The following DDHD1 variants were observed in gnomAD, a reference collection of about 807,000 sequenced individuals.
DDHD1 encodes the protein phospholipase DDHD1.
In DDHD1, 49 loss-of-function variants were observed where a neutral mutation model predicts 96.4. The observed-to-expected ratio is 0.51, with a 90% confidence interval of 0.40 to 0.64. The LOEUF is 0.64. Among genes scored for constraint, DDHD1 ranks in the 30% least tolerant of loss-of-function variants. The pLI is 0.00. For missense variants in DDHD1, 1,106 were observed against 1,161.2 expected (o/e 0.95, Z 0.69); for synonymous variants, 442 against 446.5 (o/e 0.99, Z 0.13).
intron 4 of DDHD1, among the ~76,000 whole-genome samples, chr14:53,082,442 CTTT>C (rs35059788): frequency 2.6e-4 from 32 of 121,888 alleles, no homozygotes; most frequent in Admixed American, 4.3e-4. Flanking sequence ...TCCAAGATAC[CTTT>C]TTTTTTTTTT....
At chr14:53,061,507 CATAT>C (rs1188839021) in intron 7 of DDHD1, among the ~76,000 whole-genome samples, 2 of 152,128 alleles carry the variant, frequency 1.3e-5, no homozygotes, top group South Asian at 2.1e-4. Flanking sequence ...TGGTTAATAC[CATAT>C]ATACTGTTCT....
chr14:53,077,021 T>C (rs2139932413), intron 4 of DDHD1, among the ~76,000 whole-genome samples: 1 of 152,282 alleles, frequency 6.6e-6, no homozygotes, highest in Admixed American at 6.5e-5. Context: ...AAACCCACAA[T>C]ATCTTTGAGG....
chr14:53,096,070 A>G (rs1288276969), intron 2 of DDHD1: 1 of 909,518 alleles, frequency 1.1e-6, no homozygotes, highest in African/African-American at 1.8e-5. Context: ...GAATACTATA[A>G]GCCAGGAATA....
rs924099421 is a variant in DDHD1, at chr14:53,060,985, T to C, written c.1842+141A>G. The C allele has an allele frequency of 9.3e-6, 7 of 752,846 alleles. No homozygotes were observed. The African/African-American group carries it at 1.3e-4, about 13-fold the overall frequency. The allele number at this position is 752,846 out of a possible 1,614,324, so 46.6% of individuals were successfully genotyped here. A position where few individuals can be genotyped will look rare whatever the true frequency, so the allele number is the denominator to read the frequency against. On this transcript the variant is annotated intron_variant, in intron 8 of 12. Transcript: ENST00000673822. ...TTCTTTGTACAACCAGAAATGGCAG[T>C]GTCCAACATATAGTATATGTTGAAT...
intron 1 of DDHD1, among the ~76,000 whole-genome samples, chr14:53,148,034 C>T (rs762949192): frequency 4.6e-5 from 7 of 152,098 alleles, no homozygotes; most frequent in Non-Finnish European, 1.0e-4. Context: ...ATAATCTTCC[C>T]GTTGTTGCAA....
chr14:53,114,489 C>G (rs769375202), intron 1 of DDHD1, among the ~76,000 whole-genome samples: 4 of 152,198 alleles, frequency 2.6e-5, no homozygotes, highest in Non-Finnish European at 5.9e-5. Context: ...CAGGGGAGCT[C>G]TGGCTGGCAT....
intron 5 of DDHD1, 89 bp downstream of exon 5, chr14:53,073,652 T>A (rs1371022306): frequency 9.5e-7 from 1 of 1,057,684 alleles, no homozygotes; most frequent in African/African-American, 1.6e-5. Context: ...ACATTCTCAA[T>A]TAACAAAAAG....
At chr14:53,100,916 T>C (rs1887247642) in intron 2 of DDHD1, among the ~76,000 whole-genome samples, 1 of 152,218 alleles carries the variant, frequency 6.6e-6, no homozygotes, top group South Asian at 2.1e-4. Context: ...TACTACTATG[T>C]CTTCTTGTAC....
chr14:53,050,424 T>C (rs1178970446), intron 12 of DDHD1, among the ~76,000 whole-genome samples: 1 of 152,140 alleles, frequency 6.6e-6, no homozygotes, highest in African/African-American at 2.4e-5. Context: ...GTCAAACAAA[T>C]CTAGCCATTC....
Position 53,074,280 on chromosome 14 carries a change from C to A in DDHD1, c.1290-433G>T, listed in dbSNP as rs140205780. Among the ~76,000 whole-genome samples the A allele has an allele frequency of 1.4e-3, 206 of 151,794 alleles. 4 individuals are homozygous for A. Among genetic ancestry groups the A allele is most frequent in the Admixed American group, 0.012 (185 of 15,218 alleles). ...AAGATACTATAAAATTGACCCTTTTCTCCCTTTTGGTGTCAGTTATATAAA... is the reference window on the plus strand; with the variant it reads ...AAGATACTATAAAATTGACCCTTTTATCCCTTTTGGTGTCAGTTATATAAA... On this transcript the variant is annotated intron_variant, in intron 4 of 12. Transcript: ENST00000673822.
chr14:53,130,638 C>T (rs1889800211), intron 1 of DDHD1, among the ~76,000 whole-genome samples: 1 of 152,236 alleles, frequency 6.6e-6, no homozygotes, highest in Non-Finnish European at 1.5e-5. Context: ...GCCAGGCATT[C>T]CTCCAGGACC....
At chr14:53,089,158 T>C (rs2139988340) in intron 4 of DDHD1, among the ~76,000 whole-genome samples, 1 of 152,072 alleles carries the variant, frequency 6.6e-6, no homozygotes. Context: ...CTCAATGAAA[T>C]AAAAGAGGAC....
chr14:53,125,098 C>T (rs1035657120), intron 1 of DDHD1, among the ~76,000 whole-genome samples: 5 of 152,172 alleles, frequency 3.3e-5, no homozygotes, highest in African/African-American at 1.2e-4. Flanking sequence ...TTAACTTTAT[C>T]ACCTCTTTTA....
At position 53,107,489 on chromosome 14, in the gene DDHD1, A is replaced by G. The variant is rs952151401; in HGVS notation, c.839-3633T>C. Among the ~76,000 whole-genome samples the G allele has an allele frequency of 2.6e-5, 4 of 152,260 alleles. No individual in the cohort carries two copies. The East Asian group carries it at 7.7e-4, about 29-fold the overall frequency. ...CATCACACCAATCAGAAAAGCATCC[A>G]ATTTAAAACTTGTAATTGTGGCTGG... On this transcript the variant is annotated intron_variant, in intron 1 of 12. Transcript: ENST00000673822.
intron 1 of DDHD1, among the ~76,000 whole-genome samples, chr14:53,110,173 T>C (rs547033576): frequency 6.6e-6 from 1 of 152,298 alleles, no homozygotes; most frequent in South Asian, 2.1e-4. Context: ...GTTTATTCCA[T>C]CTCCTAAATC....
intron 4 of DDHD1, among the ~76,000 whole-genome samples, chr14:53,084,293 T>C (rs1237649255): frequency 6.6e-6 from 1 of 152,154 alleles, no homozygotes; most frequent in Non-Finnish European, 1.5e-5. Context: ...GCAATATGAC[T>C]CCTAGACTCC....
At chr14:53,126,006 G>A (rs1889401853) in intron 1 of DDHD1, among the ~76,000 whole-genome samples, 1 of 151,914 alleles carries the variant, frequency 6.6e-6, no homozygotes, top group African/African-American at 2.4e-5. Flanking sequence ...CAGCAAAGAT[G>A]GATTTTTTAA....
chr14:53,050,304 C>T (rs968060124), intron 12 of DDHD1, among the ~76,000 whole-genome samples: 3 of 152,042 alleles, frequency 2.0e-5, no homozygotes, highest in Admixed American at 6.6e-5. Flanking sequence ...AAATCAGGAA[C>T]GATTAAAAGG....
chr14:53,137,304 A>AGGGCAGGCCAGGTGCGGTG (rs1454635844), intron 1 of DDHD1, among the ~76,000 whole-genome samples: 1 of 152,226 alleles, frequency 6.6e-6, no homozygotes, highest in Admixed American at 6.5e-5. Context: ...AGAAAATAAC[A>AGGGCAGGCCAGGTGCGGTG]GGGCAGGCCA....
Sources: allele counts gnomAD v4.1 joint callset (sites outside exome capture counted in the v4.1 genomes callset), GRCh38; gene constraint gnomAD v4.1.1; transcripts MANE v1.5; gene names NCBI Gene and HGNC (gene_info 2026-07-23, HGNC 2026-07-21).